The following ASIC2 variants were observed in gnomAD, a reference collection of about 807,000 sequenced individuals.
ASIC2 encodes the protein acid sensing ion channel subunit 2.
In ASIC2, 25 loss-of-function variants were observed where a neutral mutation model predicts 57.3. That is an observed-to-expected ratio of 0.44 (90% CI 0.32 to 0.61). The LOEUF (loss-of-function observed/expected upper bound fraction) is 0.61, where lower values mean the gene tolerates loss of function less well. Ranked by LOEUF, ASIC2 falls within the 20% of genes least tolerant of loss-of-function variation. The probability of loss-of-function intolerance (pLI) is 0.06; values close to 1 mark genes in which losing one functional copy is unlikely to be tolerated. For synonymous variants in ASIC2, 319 were observed against 307.5 expected (o/e 1.04, Z -0.39); for missense variants, 641 against 738.1 (o/e 0.87, Z 1.52).
chr17:33,907,590 T>G (rs1915376103), intron 1 of ASIC2, among the ~76,000 whole-genome samples: 1 of 152,198 alleles, frequency 6.6e-6, no homozygotes, highest in Non-Finnish European at 1.5e-5. Context: ...CAGGCTCATC[T>G]CAGCTCTGCT....
chr17:33,033,357 G>A (rs760755464), intron 3 of ASIC2, among the ~76,000 whole-genome samples: 16 of 152,216 alleles, frequency 1.1e-4, no homozygotes, highest in Non-Finnish European at 1.9e-4. Context: ...TCCTGGGGGT[G>A]CAGCTGCAAC....
chr17:33,279,769 TC>T (rs1904863654), intron 1 of ASIC2, among the ~76,000 whole-genome samples: 1 of 152,098 alleles, frequency 6.6e-6, no homozygotes, highest in Non-Finnish European at 1.5e-5. Context: ...CATTGAATAT[TC>T]CAAATGCTAT....
intron 3 of ASIC2, among the ~76,000 whole-genome samples, chr17:33,029,644 T>C (rs1386059474): frequency 1.3e-5 from 2 of 152,240 alleles, no homozygotes; most frequent in Non-Finnish European, 2.9e-5. Flanking sequence ...CTTGAGTAAA[T>C]GGCTAGCAGT....
chr17:33,704,474 T>G (rs1421044867), intron 1 of ASIC2, among the ~76,000 whole-genome samples: 1 of 152,228 alleles, frequency 6.6e-6, no homozygotes, highest in Non-Finnish European at 1.5e-5. Flanking sequence ...TAGCCCACCC[T>G]GAATTCTGTC....
intron 1 of ASIC2, among the ~76,000 whole-genome samples, chr17:33,330,860 C>T (rs1296861753): frequency 6.6e-6 from 1 of 152,100 alleles, no homozygotes; most frequent in Non-Finnish European, 1.5e-5. Flanking sequence ...AGAGAGAATC[C>T]TGACTGGCCT....
Position 33,456,090 on chromosome 17 carries a change from A to G in ASIC2, c.556-344023T>C, listed in dbSNP as rs193139815. Among the ~76,000 whole-genome samples, 73 of 152,032 alleles carry G rather than the reference A, an allele frequency of 4.8e-4. 1 individual carries two copies. Among genetic ancestry groups the G allele is most frequent in the African/African-American group, 1.7e-3 (71 of 41,466 alleles). On this transcript the variant is annotated intron_variant, in intron 1 of 9. Coordinates refer to the ASIC2 transcript ENST00000359872. ...CAACTCCCCCCAACCCCCAGCTCTC[A>G]TTTAGTTTTTCTGCGCTTAATATGT...
At chr17:33,256,040 T>C (rs1342363967) in intron 1 of ASIC2, among the ~76,000 whole-genome samples, 1 of 152,184 alleles carries the variant, frequency 6.6e-6, no homozygotes, top group African/African-American at 2.4e-5. Flanking sequence ...GATTCATACA[T>C]CACTATTTAT....
intron 3 of ASIC2, among the ~76,000 whole-genome samples, chr17:33,065,303 A>C (rs2092038669): frequency 6.6e-6 from 1 of 151,338 alleles, no homozygotes; most frequent in Non-Finnish European, 1.5e-5. Flanking sequence ...CAGCCCCCTG[A>C]GTAGCTGGGA....
chr17:33,627,616 C>T (rs1047749454), intron 1 of ASIC2, among the ~76,000 whole-genome samples: 1 of 152,224 alleles, frequency 6.6e-6, no homozygotes, highest in Non-Finnish European at 1.5e-5. Flanking sequence ...GAAGGTGAGG[C>T]CCTGCTCAAA....
At chr17:33,859,828 G>A (rs569431138) in intron 1 of ASIC2, among the ~76,000 whole-genome samples, 109 of 152,264 alleles carry the variant, frequency 7.2e-4, no homozygotes, top group African/African-American at 2.5e-3. Flanking sequence ...GGGAATACAG[G>A]TGCATGTGCT....
At chr17:33,696,119 A>T (rs529754189) in intron 1 of ASIC2, among the ~76,000 whole-genome samples, 1 of 152,368 alleles carries the variant, frequency 6.6e-6, no homozygotes, top group African/African-American at 2.4e-5. Context: ...GCCAACACAT[A>T]CAAGAATGTC....
chr17:33,985,720 G>A (rs1905795145), intron 1 of ASIC2, among the ~76,000 whole-genome samples: 2 of 152,192 alleles, frequency 1.3e-5, no homozygotes, highest in Non-Finnish European at 2.9e-5. Flanking sequence ...AAAGGAGTAT[G>A]CAGAACTTCT....
intron 1 of ASIC2, among the ~76,000 whole-genome samples, chr17:33,288,857 G>A (rs879538590): frequency 3.3e-5 from 5 of 152,224 alleles, no homozygotes; most frequent in Non-Finnish European, 5.9e-5. Context: ...CACATGGTAA[G>A]TGGTAGACTC....
At chr17:33,832,859 T>A (rs1913157033) in intron 1 of ASIC2, among the ~76,000 whole-genome samples, 1 of 152,206 alleles carries the variant, frequency 6.6e-6, no homozygotes, top group Non-Finnish European at 1.5e-5. Context: ...GGCACAATGT[T>A]TCCTTTGTGC....
chr17:34,030,848 A>T (rs902244011), intron 1 of ASIC2, among the ~76,000 whole-genome samples: 1 of 152,238 alleles, frequency 6.6e-6, no homozygotes, highest in African/African-American at 2.4e-5. Context: ...TTGATTAGGT[A>T]AACAAAGAGG....
chr17:33,829,851 C>T (rs571766801), intron 1 of ASIC2, among the ~76,000 whole-genome samples: 2 of 152,236 alleles, frequency 1.3e-5, no homozygotes, highest in Admixed American at 1.3e-4. Context: ...GCGTGAGCCA[C>T]CGCGCCCACC....
At chr17:33,957,689 C>G (rs533226954) in intron 1 of ASIC2, among the ~76,000 whole-genome samples, 122 of 152,276 alleles carry the variant, frequency 8.0e-4, no homozygotes, top group Non-Finnish European at 1.4e-3. Context: ...ATGGGAGCTA[C>G]AATTCAAGAT....
intron 1 of ASIC2, among the ~76,000 whole-genome samples, chr17:33,778,673 C>G (rs1044046127): frequency 6.6e-6 from 1 of 152,208 alleles, no homozygotes; most frequent in Admixed American, 6.5e-5. Flanking sequence ...CTTCACTTCT[C>G]TACTGGGTAG....
intron 1 of ASIC2, among the ~76,000 whole-genome samples, chr17:33,215,315 T>A (rs964402849): frequency 3.3e-5 from 5 of 152,182 alleles, no homozygotes; most frequent in African/African-American, 9.7e-5. Context: ...GTTCAGTAAT[T>A]ATGCTTTTGG....
Sources: allele counts gnomAD v4.1 joint callset (sites outside exome capture counted in the v4.1 genomes callset), GRCh38; gene constraint gnomAD v4.1.1; transcripts MANE v1.5; gene names NCBI Gene and HGNC (gene_info 2026-07-23, HGNC 2026-07-21).